ASCC3: variants seen among roughly 807,000 people sequenced by gnomAD.
ASCC3 encodes activating signal cointegrator 1 complex subunit 3.
ASCC3 carries 158 observed loss-of-function variants against 256.3 expected under a neutral mutation model. The observed-to-expected ratio is 0.62, with a 90% CI of 0.54 to 0.70. ASCC3 has a LOEUF of 0.70. Among genes scored for constraint, ASCC3 ranks in the 30% least tolerant of loss-of-function variants. The pLI, the probability that ASCC3 is intolerant of heterozygous loss-of-function variation, is 0.00. For missense variants in ASCC3, 2,259 were observed against 2,626.0 expected (o/e 0.86, Z 3.05); for synonymous variants, 948 against 883.4 (o/e 1.07, Z -1.30).
chr6:100,707,850 A>G (rs1023311189), intron 13 of ASCC3, among the ~76,000 whole-genome samples: 1 of 152,098 alleles, frequency 6.6e-6, no homozygotes, highest in Non-Finnish European at 1.5e-5. Flanking sequence ...GCAGTTCCTT[A>G]TATCTAGCTC....
At chr6:100,858,856 C>T (rs1419388586) in intron 3 of ASCC3, 7 of 501,844 alleles carry the variant, frequency 1.4e-5, no homozygotes, top group East Asian at 4.6e-5. Flanking sequence ...CCCAAAAATA[C>T]GTAATTTTTT....
intron 34 of ASCC3, among the ~76,000 whole-genome samples, chr6:100,595,407 T>G (rs1178618683): frequency 6.6e-6 from 1 of 152,146 alleles, no homozygotes; most frequent in Non-Finnish European, 1.5e-5. Flanking sequence ...AAGAGTCAAT[T>G]AAAAAAGAAG....
intron 14 of ASCC3, among the ~76,000 whole-genome samples, chr6:100,672,782 C>T (rs1243507737): frequency 2.0e-5 from 3 of 151,876 alleles, no homozygotes; most frequent in Non-Finnish European, 4.4e-5. Flanking sequence ...TTAAAATGTA[C>T]CTAGAATGGT....
chr6:100,851,902 C>CGG (rs1772688685), intron 3 of ASCC3, among the ~76,000 whole-genome samples: 5 of 152,204 alleles, frequency 3.3e-5, no homozygotes, highest in Non-Finnish European at 7.3e-5. Context: ...CTTTCACCAT[C>CGG]TTCCTGCAAC....
intron 14 of ASCC3, among the ~76,000 whole-genome samples, chr6:100,673,148 T>C (rs184085427): frequency 1.2e-3 from 184 of 152,224 alleles, no homozygotes; most frequent in Non-Finnish European, 2.4e-4. Context: ...CTGTCCTGAC[T>C]ATTAATAGAA....
chr6:100,540,398 A>G lies in ASCC3; in HGVS notation c.5551-11T>C. 6.2e-7 allele frequency: 1 copy of G among 1,605,354 alleles called. No homozygotes were observed. Among genetic ancestry groups the G allele is most frequent in the Middle Eastern group, 1.8e-4 (1 of 5,692 alleles). ...ATATTCTTCTGCATCCTGAAAAAAA[A>G]AAAAAGCCCCACATTGTTGGATCAA... On this transcript the variant is annotated splice_polypyrimidine_tract_variant and intron_variant, in intron 36 of 41. Coordinates refer to ENST00000369162, the MANE Select transcript of ASCC3 (RefSeq NM_006828.4).
At chr6:100,704,742 T>A (rs1463245477) in intron 13 of ASCC3, among the ~76,000 whole-genome samples, 4 of 151,972 alleles carry the variant, frequency 2.6e-5, no homozygotes, top group Non-Finnish European at 5.9e-5. Flanking sequence ...GAAGAAGACT[T>A]TTTTTGTCTT....
At chr6:100,613,967 G>A (rs916674403) in intron 30 of ASCC3, among the ~76,000 whole-genome samples, 4 of 152,052 alleles carry the variant, frequency 2.6e-5, no homozygotes, top group Non-Finnish European at 5.9e-5. Context: ...TTTGAAAAAT[G>A]TCTATGTCCC....
At chr6:100,755,553 A>T (rs1781139583) in intron 10 of ASCC3, among the ~76,000 whole-genome samples, 1 of 152,046 alleles carries the variant, frequency 6.6e-6, no homozygotes, top group African/African-American at 2.4e-5. Context: ...TGAATTAGGA[A>T]TCACTCTTAA....
chr6:100,694,880 G>C (rs564251733), intron 13 of ASCC3, among the ~76,000 whole-genome samples: 88 of 152,176 alleles, frequency 5.8e-4, no homozygotes, highest in African/African-American at 1.6e-3. Flanking sequence ...TAAAATGAAT[G>C]GGTAAAAGTT....
At chr6:100,641,274 T>C (rs1256355983) in intron 24 of ASCC3, among the ~76,000 whole-genome samples, 1 of 152,190 alleles carries the variant, frequency 6.6e-6, no homozygotes, top group Non-Finnish European at 1.5e-5. Flanking sequence ...TGTTGAAGAT[T>C]ACCACGTACC....
chr6:100,589,518 G>T, intron 36 of ASCC3, 116 bp downstream of exon 36: 1 of 1,249,104 alleles, frequency 8.0e-7, no homozygotes, highest in Non-Finnish European at 1.1e-6. Context: ...TAGTGACCTT[G>T]TTTGACAGAG....
chr6:100,751,761 A>G (rs1562271613), intron 10 of ASCC3, among the ~76,000 whole-genome samples: 1 of 127,512 alleles, frequency 7.8e-6, no homozygotes, highest in Non-Finnish European at 1.7e-5. Flanking sequence ...ACTACCACGG[A>G]AAGCAAAGGC....
intron 33 of ASCC3, among the ~76,000 whole-genome samples, chr6:100,602,648 G>A (rs755642606): frequency 1.3e-5 from 2 of 152,002 alleles, no homozygotes; most frequent in Non-Finnish European, 2.9e-5. Flanking sequence ...GAACAGAAAA[G>A]TGAGCAAATA....
intron 23 of ASCC3, among the ~76,000 whole-genome samples, chr6:100,643,188 T>C (rs1399051399): frequency 6.6e-6 from 1 of 152,120 alleles, no homozygotes; most frequent in Non-Finnish European, 1.5e-5. Flanking sequence ...AAGCAATGAA[T>C]ACAAAACGCT....
intron 36 of ASCC3, among the ~76,000 whole-genome samples, chr6:100,544,855 C>T (rs1775630981): frequency 6.6e-6 from 1 of 152,050 alleles, no homozygotes; most frequent in Admixed American, 6.6e-5. Context: ...TAGACAATAA[C>T]ATTAAAGGAC....
chr6:100,589,799 C>A (rs752285256), intron 35 of ASCC3, 31 bp from the exon 36 acceptor site: 1 of 1,612,480 alleles, frequency 6.2e-7, no homozygotes, highest in Non-Finnish European at 8.5e-7. Context: ...ATGAAGAGTA[C>A]GATGAAAGTA....
At chr6:100,671,821 T>C (rs1309134356) in intron 14 of ASCC3, among the ~76,000 whole-genome samples, 1 of 152,086 alleles carries the variant, frequency 6.6e-6, no homozygotes, top group African/African-American at 2.4e-5. Context: ...CATTTACTTC[T>C]AAACTAACAC....
intron 36 of ASCC3, among the ~76,000 whole-genome samples, chr6:100,565,706 C>T (rs2114713319): frequency 6.6e-6 from 1 of 152,150 alleles, no homozygotes; most frequent in South Asian, 2.1e-4. Flanking sequence ...GGGAGTAGGG[C>T]AGAGCAACCA....
Sources: allele counts gnomAD v4.1 joint callset (sites outside exome capture counted in the v4.1 genomes callset), GRCh38; gene constraint gnomAD v4.1.1; transcripts MANE v1.5; gene names NCBI Gene and HGNC (gene_info 2026-07-23, HGNC 2026-07-21).